SV2C: variants seen among roughly 807,000 people sequenced by gnomAD.
The protein encoded by SV2C is solute carrier family 22 member B3.
A neutral mutation model predicts 79.7 loss-of-function variants in SV2C; 49 were observed. The observed-to-expected ratio is 0.61, with a 90% confidence interval of 0.49 to 0.78. The LOEUF (loss-of-function observed/expected upper bound fraction) is 0.78. Ranked by LOEUF, SV2C falls within the 30% of genes least tolerant of loss-of-function variation. The pLI, the probability that SV2C is intolerant of heterozygous loss-of-function variation, is 0.00. For missense variants in SV2C, 833 were observed against 912.9 expected, an observed-to-expected ratio of 0.91 and a Z score of 1.13; for synonymous variants, 334 against 333.2, an observed-to-expected ratio of 1.00 and a Z score of -0.03.
At chr5:76,271,947 A>C (rs937691315) in intron 4 of SV2C, among the ~76,000 whole-genome samples, 2 of 152,174 alleles carry the variant, frequency 1.3e-5, no homozygotes, top group Non-Finnish European at 2.9e-5. Flanking sequence ...CAGTCATTGT[A>C]GTTGCATGCA....
the SV2C span, among the ~76,000 whole-genome samples, chr5:76,070,570 A>G: frequency 6.6e-6 from 1 of 152,182 alleles, no homozygotes; most frequent in Non-Finnish European, 1.5e-5. Flanking sequence ...ATTCCCACTT[A>G]TCTTTGAACA....
chr5:75,951,946 A>T, the SV2C span, among the ~76,000 whole-genome samples: 7 of 152,008 alleles, frequency 4.6e-5, no homozygotes, highest in Admixed American at 4.6e-4. Flanking sequence ...GTAAGGATAT[A>T]TAAAGGACTG....
chr5:75,899,349 A>G, the SV2C span, among the ~76,000 whole-genome samples: 2 of 151,996 alleles, frequency 1.3e-5, no homozygotes, highest in African/African-American at 2.4e-5. Context: ...TCAGGAGCAG[A>G]TTGTTCATTT....
At chr5:76,258,466 G>C (rs970667829) in intron 4 of SV2C, among the ~76,000 whole-genome samples, 1 of 152,170 alleles carries the variant, frequency 6.6e-6, no homozygotes, top group African/African-American at 2.4e-5. Flanking sequence ...GAAGGAGCTT[G>C]ACCTTCGGTC....
the SV2C span, among the ~76,000 whole-genome samples, chr5:75,973,694 G>T: frequency 6.6e-6 from 1 of 151,944 alleles, no homozygotes; most frequent in Non-Finnish European, 1.5e-5. Flanking sequence ...CTATATAGAA[G>T]AGTAAGTACT....
At chr5:76,013,247 G>A in the SV2C span, among the ~76,000 whole-genome samples, 1 of 152,130 alleles carries the variant, frequency 6.6e-6, no homozygotes, top group Non-Finnish European at 1.5e-5. Flanking sequence ...AGCATGGAAT[G>A]TTTTTCCATT....
Position 76,209,870 on chromosome 5 carries a change from C to A in SV2C, c.896C>A (p.Ala299Asp). 1.9e-6 allele frequency: 3 copies of A among 1,613,496 alleles called. No individual in the cohort carries two copies. Among genetic ancestry groups the A allele is most frequent in the Non-Finnish European group, 2.5e-6 (3 of 1,179,692 alleles). The change falls in exon 4 of 13, where the codon GCC becomes GAC. Residue 299 changes from alanine to aspartate, a missense_variant. Transcript: ENST00000502798. ...GGIYASAMAW[A>D]IIPHYGWSFS... ...ATCTACGCCTCTGCCATGGCCTGGG[C>A]CATCATCCCGCACTACGGTAAGAGG...
At chr5:76,134,146 A>C (rs1231369461) in intron 2 of SV2C, among the ~76,000 whole-genome samples, 5 of 152,034 alleles carry the variant, frequency 3.3e-5, no homozygotes, top group African/African-American at 4.8e-5. Context: ...TGGCATTTAG[A>C]AGTGTAGATA....
chr5:75,955,151 A>C, the SV2C span, among the ~76,000 whole-genome samples: 2 of 151,454 alleles, frequency 1.3e-5, no homozygotes, highest in Non-Finnish European at 2.9e-5. Flanking sequence ...ACTATACTAC[A>C]AGGCTACAGT....
chr5:76,096,767 C>T (rs10040574), intron 1 of SV2C, among the ~76,000 whole-genome samples: 47,563 of 151,938 alleles, frequency 0.31, 9,467 homozygotes, highest in African/African-American at 0.56. Context: ...AAAGCAGATT[C>T]CTAGGCCTCA....
intron 12 of SV2C, among the ~76,000 whole-genome samples, chr5:76,317,387 C>A (rs917012133): frequency 6.6e-6 from 1 of 151,978 alleles, no homozygotes; most frequent in Non-Finnish European, 1.5e-5. Flanking sequence ...ACTGAGTTGT[C>A]CAGAAAAAGC....
intron 1 of SV2C, among the ~76,000 whole-genome samples, chr5:76,100,455 G>A (rs527432960): frequency 6.6e-6 from 1 of 152,180 alleles, no homozygotes; most frequent in African/African-American, 2.4e-5. Context: ...GTATTTAAAG[G>A]GCATATGCCA....
chr5:76,271,995 A>G (rs1386158336), intron 4 of SV2C, among the ~76,000 whole-genome samples: 1 of 152,164 alleles, frequency 6.6e-6, no homozygotes, highest in East Asian at 1.9e-4. Context: ...TTTGACAAAA[A>G]TGACAAAACT....
the SV2C span, among the ~76,000 whole-genome samples, chr5:76,046,413 T>G: frequency 4.6e-5 from 7 of 152,128 alleles, no homozygotes; most frequent in African/African-American, 1.7e-4. Flanking sequence ...GACATCCAAT[T>G]GAGTCTTGAA....
At chr5:76,097,248 A>G (rs1448316221) in intron 1 of SV2C, among the ~76,000 whole-genome samples, 1 of 152,214 alleles carries the variant, frequency 6.6e-6, no homozygotes, top group South Asian at 2.1e-4. Flanking sequence ...ATTCTGTTTT[A>G]TATATAAACA....
the SV2C span, among the ~76,000 whole-genome samples, chr5:75,852,851 G>GA: frequency 4.0e-5 from 5 of 126,556 alleles, no homozygotes; most frequent in Admixed American, 1.5e-4. Context: ...AAAGAAAAAA[G>GA]AAAAAAAACT....
intron 2 of SV2C, among the ~76,000 whole-genome samples, chr5:76,155,042 A>AT (rs1561240254): frequency 1.3e-5 from 2 of 152,246 alleles, no homozygotes; most frequent in African/African-American, 2.4e-5. Flanking sequence ...GCATAGAGAA[A>AT]TAGTCATTAT....
intron 2 of SV2C, among the ~76,000 whole-genome samples, chr5:76,160,204 T>C (rs1742859168): frequency 6.6e-6 from 1 of 152,198 alleles, no homozygotes; most frequent in East Asian, 1.9e-4. Context: ...TATAGGTTAT[T>C]ATAGAATTTC....
the SV2C span, among the ~76,000 whole-genome samples, chr5:76,030,216 G>A: frequency 7.1e-6 from 1 of 139,962 alleles, no homozygotes; most frequent in East Asian, 2.1e-4. Context: ...ACACATTTTG[G>A]TTTGGTTTAA....
Sources: allele counts gnomAD v4.1 joint callset (sites outside exome capture counted in the v4.1 genomes callset), GRCh38; gene constraint gnomAD v4.1.1; transcripts MANE v1.5; gene names NCBI Gene and HGNC (gene_info 2026-07-23, HGNC 2026-07-21).